CS: variants seen among roughly 807,000 people sequenced by gnomAD.
CS encodes citrate synthase, mitochondrial.
A neutral mutation model predicts 61.4 loss-of-function variants in CS; 13 were observed. That is an observed-to-expected ratio of 0.21 (90% confidence interval 0.14 to 0.34). The LOEUF (loss-of-function observed/expected upper bound fraction) is 0.34, where lower values mean the gene tolerates loss of function less well. CS is among the 10% of genes least tolerant of loss of function. CS has a pLI of 1.00. For synonymous variants in CS, 159 were observed against 215.2 expected (o/e 0.74, Z 2.29); for missense variants, 278 against 573.4 (o/e 0.48, Z 5.26).
intron 6 of CS, among the ~76,000 whole-genome samples, chr12:56,280,436 A>AC (rs1872747475): frequency 6.7e-6 from 1 of 148,280 alleles, no homozygotes; most frequent in Non-Finnish European, 1.5e-5. Context: ...AAAAAAAAAA[A>AC]ACAAAAAAAT....
At chr12:56,290,211 T>G (rs1423365877) in intron 1 of CS, among the ~76,000 whole-genome samples, 1 of 151,102 alleles carries the variant, frequency 6.6e-6, no homozygotes, top group African/African-American at 2.4e-5. Flanking sequence ...TATGTTTTTT[T>G]GTTTGTTTGT....
chr12:56,286,676 CT>C, intron 1 of CS, 31 bp from the exon 2 acceptor site: 1 of 1,591,926 alleles, frequency 6.3e-7, no homozygotes. Context: ...CCTTATGTAA[CT>C]GTTACCCCTC....
intron 1 of CS, 86 bp downstream of exon 1, chr12:56,300,074 T>TGTGGGAGGGAGACCCCGGC (rs1873438282): frequency 1.5e-6 from 2 of 1,361,388 alleles, no homozygotes; most frequent in Non-Finnish European, 2.0e-6. Flanking sequence ...TGCGCACGGG[T>TGTGGGAGGGAGACCCCGGC]GTGGGAGGGA....
rs748964088 is a variant in CS, at chr12:56,273,665, C to A, written c.1152G>T (p.Val384=). The A allele has an allele frequency of 9.8e-5, 158 of 1,614,038 alleles. No individual in the cohort carries two copies. The highest frequency in any genetic ancestry group is 1.3e-4 in the Non-Finnish European group (155 of 1,180,042). Residue 384 remains valine, a synonymous_variant, in exon 10 of 11, where the codon GTG becomes GTT. Coordinates refer to ENST00000351328, the MANE Select transcript of CS (RefSeq NM_004077.3). Reference sequence around the variant, plus strand: ...TACCCTGCTCTAAGAGGACATTGGGCACAATCTTGTACAGCTGAGCAACCA... The same window carrying A: ...TACCCTGCTCTAAGAGGACATTGGGAACAATCTTGTACAGCTGAGCAACCA... The part of the protein sequence containing the change: ...FKLVAQLYKI[V]PNVLLEQGKA...
intron 1 of CS, among the ~76,000 whole-genome samples, chr12:56,299,444 T>G (rs530972647): frequency 1.9e-4 from 29 of 152,286 alleles, no homozygotes; most frequent in African/African-American, 6.3e-4. Flanking sequence ...CATTAGTATC[T>G]CTTGCCGAGG....
At chr12:56,291,885 G>A (rs1873135488) in intron 1 of CS, 1 of 152,190 alleles carries the variant, frequency 6.6e-6, no homozygotes, top group African/African-American at 2.4e-5. Flanking sequence ...GGTGGAGGTG[G>A]CGTTATCACA....
intron 6 of CS, 117 bp downstream of exon 6, chr12:56,282,303 T>C (rs1193110601): frequency 3.8e-6 from 3 of 784,534 alleles, no homozygotes; most frequent in Non-Finnish European, 3.8e-6. Context: ...TCTGTTAAGT[T>C]AGTTTCTGAT....
At chr12:56,299,978 C>G in intron 1 of CS, 182 bp downstream of exon 1, 1 of 571,124 alleles carries the variant, frequency 1.8e-6, no homozygotes, top group Non-Finnish European at 3.0e-6. Flanking sequence ...CCCCCAGGAG[C>G]CAGAAGGGAA....
chr12:56,282,639 C>G (rs1047209721), intron 5 of CS, 31 bp from the exon 6 acceptor site: 2 of 1,577,292 alleles, frequency 1.3e-6, no homozygotes, highest in Non-Finnish European at 1.7e-6. Context: ...CTCAGAACAC[C>G]AGCAAGGACA....
intron 1 of CS, among the ~76,000 whole-genome samples, chr12:56,296,160 T>C (rs1265479576): frequency 2.0e-5 from 3 of 151,656 alleles, no homozygotes; most frequent in Admixed American, 1.3e-4. Context: ...AATAGCATCA[T>C]GTTAAAAGAA....
At position 56,282,847 on chromosome 12, in the gene CS, CCTT is replaced by C. The variant is rs776740630; in HGVS notation, c.399+10_399+12del. 1.9e-6 allele frequency: 3 copies of C among 1,613,914 alleles called. No homozygotes were observed. The South Asian group carries it at 3.3e-5, about 18-fold the overall frequency. Reference sequence around the variant, plus strand: ...GGGGAATGAGAAGAGCTAATAATATCCTTCTGCTTTACCTGTTCCTCTGTTGGG... The same window carrying C: ...GGGGAATGAGAAGAGCTAATAATATCCTGCTTTACCTGTTCCTCTGTTGGG... On this transcript the variant is annotated intron_variant, in intron 5 of 10. Transcript: ENST00000351328.
intron 1 of CS, among the ~76,000 whole-genome samples, chr12:56,288,834 T>C (rs1474755009): frequency 6.6e-6 from 1 of 151,886 alleles, no homozygotes; most frequent in East Asian, 1.9e-4. Flanking sequence ...AAAAAAATTT[T>C]TTTTTGTAGA....
intron 1 of CS, among the ~76,000 whole-genome samples, chr12:56,294,657 C>G (rs577686156): frequency 1.1e-4 from 17 of 151,748 alleles, no homozygotes; most frequent in South Asian, 8.3e-4. Flanking sequence ...ACCTCCACCC[C>G]CTGGGTTCAA....
At chr12:56,286,244 A>T (rs2135919160) in intron 2 of CS, 1 of 568,104 alleles carries the variant, frequency 1.8e-6, no homozygotes, top group East Asian at 2.9e-5. Flanking sequence ...GGCAGACAAA[A>T]GTTCTGGAGA....
chr12:56,282,854 C>T lies in CS; in HGVS notation c.399+6G>A, dbSNP rs1290713951. On this transcript the variant is annotated splice_donor_region_variant and intron_variant, in intron 5 of 10. Transcript: ENST00000351328. ...GAGAAGAGCTAATAATATCCTTCTGCTTTACCTGTTCCTCTGTTGGGATAT... is the reference window on the plus strand; with the variant it reads ...GAGAAGAGCTAATAATATCCTTCTGTTTTACCTGTTCCTCTGTTGGGATAT... 6.2e-7 allele frequency: 1 copy of T among 1,614,104 alleles called. No homozygotes were observed. The highest frequency in any genetic ancestry group is 8.5e-7 in the Non-Finnish European group (1 of 1,180,018).
At chr12:56,287,950 G>A (rs1167070618) in intron 1 of CS, among the ~76,000 whole-genome samples, 2 of 152,148 alleles carry the variant, frequency 1.3e-5, no homozygotes, top group African/African-American at 4.8e-5. Context: ...AAGCCACCAT[G>A]CCAGGCCATA....
At chr12:56,286,417 T>C (rs899149424) in intron 2 of CS, 178 bp downstream of exon 2, 1 of 575,678 alleles carries the variant, frequency 1.7e-6, no homozygotes, top group Non-Finnish European at 3.1e-6. Context: ...TACCACTGAG[T>C]AAATTATTTG....
intron 1 of CS, among the ~76,000 whole-genome samples, chr12:56,293,763 G>A (rs572344601): frequency 6.6e-6 from 1 of 152,236 alleles, no homozygotes; most frequent in African/African-American, 2.4e-5. Context: ...AAAACCTTGC[G>A]GAAGAAGCTC....
intron 6 of CS, among the ~76,000 whole-genome samples, chr12:56,276,703 G>A (rs1242882790): frequency 2.0e-5 from 3 of 152,018 alleles, no homozygotes; most frequent in Admixed American, 1.3e-4. Context: ...CACCATACCC[G>A]GCTAATTTTG....
Sources: allele counts gnomAD v4.1 joint callset (sites outside exome capture counted in the v4.1 genomes callset), GRCh38; gene constraint gnomAD v4.1.1; transcripts MANE v1.5; gene names NCBI Gene and HGNC (gene_info 2026-07-23, HGNC 2026-07-21).